ZNF804B: variants seen among roughly 807,000 people sequenced by gnomAD.
The protein encoded by ZNF804B is zinc finger protein 804B.
ZNF804B carries 80 observed loss-of-function variants against 101.4 expected under a neutral mutation model. That is an observed-to-expected ratio of 0.79 (90% CI 0.66 to 0.95). ZNF804B has a LOEUF of 0.95. ZNF804B is among the 40% of genes least tolerant of loss of function. The probability of loss-of-function intolerance (pLI) is 0.00; values close to 1 mark genes in which losing one functional copy is unlikely to be tolerated. For missense variants in ZNF804B, 1,673 were observed against 1,561.9 expected (o/e 1.07, Z -1.20); for synonymous variants, 622 against 558.8 (o/e 1.11, Z -1.59).
intron 1 of ZNF804B, among the ~76,000 whole-genome samples, chr7:89,146,163 T>C (rs1179264256): frequency 6.6e-6 from 1 of 152,072 alleles, no homozygotes; most frequent in African/African-American, 2.4e-5. Context: ...ATCCACTTTT[T>C]TGTAGGTTTA....
intron 1 of ZNF804B, among the ~76,000 whole-genome samples, chr7:89,024,476 C>T (rs1788716141): frequency 6.6e-6 from 1 of 151,860 alleles, no homozygotes; most frequent in African/African-American, 2.4e-5. Context: ...CTCTAAGGTT[C>T]TGTTCACTAC....
intron 2 of ZNF804B, among the ~76,000 whole-genome samples, chr7:89,235,323 A>G (rs960497486): frequency 9.9e-5 from 15 of 152,216 alleles, no homozygotes; most frequent in African/African-American, 3.1e-4. Context: ...GCACTTTCAC[A>G]TATTAAATTA....
intron 2 of ZNF804B, among the ~76,000 whole-genome samples, chr7:89,311,521 A>G (rs1482352991): frequency 1.3e-5 from 2 of 152,174 alleles, no homozygotes; most frequent in African/African-American, 2.4e-5. Context: ...CTAATCAAAT[A>G]TTTAGTCAAG....
chr7:88,832,248 G>T (rs1283332057), intron 1 of ZNF804B, among the ~76,000 whole-genome samples: 1 of 151,574 alleles, frequency 6.6e-6, no homozygotes, highest in East Asian at 1.9e-4. Flanking sequence ...ATTTGCCTGT[G>T]CTTAAAGTTA....
At chr7:89,192,448 G>C (rs1788471238) in intron 1 of ZNF804B, among the ~76,000 whole-genome samples, 1 of 151,396 alleles carries the variant, frequency 6.6e-6, no homozygotes, top group Admixed American at 6.6e-5. Flanking sequence ...GCACAAAATG[G>C]ATTAAACTAA....
In ZNF804B at chr7:88,908,703, T is replaced by C. The variant is rs181902917; in HGVS notation, c.108+148619T>C. 3.7e-3 allele frequency among the ~76,000 whole-genome samples: 560 copies of C among 151,868 alleles called. 3 individuals are homozygous for C. The highest frequency in any genetic ancestry group is 0.013 in the African/African-American group (537 of 41,522). On this transcript the variant is annotated intron_variant, in intron 1 of 3. Transcript: ENST00000333190. ...AAGACGTTTTAGAAGAAGGGGAACA[T>C]TTTTTGCTCACTGCAAGTGTCATCT...
Position 89,333,676 on chromosome 7 carries a change from G to A in ZNF804B, c.694G>A (p.Glu232Lys). 6.2e-7 allele frequency: 1 copy of A among 1,613,404 alleles called. No homozygotes were observed. The highest frequency in any genetic ancestry group is 8.5e-7 in the Non-Finnish European group (1 of 1,179,658). The change falls in exon 4 of 4, where the codon GAA becomes AAA. Residue 232 changes from glutamate to lysine, a missense_variant. By Grantham distance (56) the Glu-to-Lys change is moderately conservative (BLOSUM62 1). Transcript: ENST00000333190. ...TFSKKVHLKL[E>K]SSASVFSENT... ...TTCCAAAAAAGTGCACCTAAAATTA[G>A]AATCTTCAGCATCAGTTTTCAGTGA...
intron 1 of ZNF804B, among the ~76,000 whole-genome samples, chr7:89,119,655 C>T (rs1040603405): frequency 1.3e-5 from 2 of 151,998 alleles, no homozygotes; most frequent in African/African-American, 4.8e-5. Flanking sequence ...TGTGTCTGGT[C>T]TAGGGAATTC....
intron 1 of ZNF804B, among the ~76,000 whole-genome samples, chr7:88,962,836 T>A (rs1048171149): frequency 6.7e-6 from 1 of 149,738 alleles, no homozygotes; most frequent in African/African-American, 2.4e-5. Context: ...CTTAGTAGTT[T>A]TTTTCTGTAA....
chr7:89,101,655 C>G (rs1790057116), intron 1 of ZNF804B, among the ~76,000 whole-genome samples: 1 of 151,818 alleles, frequency 6.6e-6, no homozygotes, highest in East Asian at 1.9e-4. Context: ...AATGTAAAAA[C>G]TACCTTTCTT....
chr7:89,010,333 A>G (rs561866726), intron 1 of ZNF804B, among the ~76,000 whole-genome samples: 1 of 152,310 alleles, frequency 6.6e-6, no homozygotes, highest in Admixed American at 6.5e-5. Flanking sequence ...TCTTCATTAC[A>G]GTATTGATTA....
At chr7:88,850,632 G>A (rs543687647) in intron 1 of ZNF804B, among the ~76,000 whole-genome samples, 1 of 152,074 alleles carries the variant, frequency 6.6e-6, no homozygotes, top group Admixed American at 6.6e-5. Context: ...AAACTTAATA[G>A]CAAGATCCAA....
chr7:89,065,931 G>A (rs1246868366), intron 1 of ZNF804B, among the ~76,000 whole-genome samples: 1 of 152,066 alleles, frequency 6.6e-6, no homozygotes, highest in African/African-American at 2.4e-5. Context: ...AATCACATCT[G>A]CAGTCTTCTG....
chr7:88,995,287 G>A (rs974175871), intron 1 of ZNF804B, among the ~76,000 whole-genome samples: 6 of 151,938 alleles, frequency 3.9e-5, no homozygotes, highest in African/African-American at 1.2e-4. Context: ...AACCAAAAAC[G>A]TGTAAGTAGC....
At chr7:88,812,526 G>T (rs1790805640) in intron 1 of ZNF804B, among the ~76,000 whole-genome samples, 1 of 152,078 alleles carries the variant, frequency 6.6e-6, no homozygotes, top group Non-Finnish European at 1.5e-5. Context: ...GTAGCCAAAA[G>T]AATCAAAAGT....
rs542633729 is a variant in ZNF804B at position 88,986,385 on chromosome 7, T to A, written c.108+226301T>A. The stretch of plus-strand genomic sequence containing the variant: ...CTATTTCCCTGCTTTTGCTGTTTAG[T>A]TTTTTATCCAGAGAAGCAAAACTGA... On this transcript the variant is annotated intron_variant, in intron 1 of 3. Transcript: ENST00000333190. 5.8e-4 allele frequency among the ~76,000 whole-genome samples: 89 copies of A among 152,200 alleles called. 1 individual carries two copies. In the South Asian group the frequency reaches 0.016, roughly 27 times the overall value.
intron 1 of ZNF804B, among the ~76,000 whole-genome samples, chr7:89,024,418 A>G (rs537925727): frequency 6.6e-6 from 1 of 152,208 alleles, no homozygotes; most frequent in South Asian, 2.1e-4. Context: ...AAACATGCAG[A>G]TGATAATATT....
chr7:88,917,701 A>T (rs2115990181), intron 1 of ZNF804B, among the ~76,000 whole-genome samples: 1 of 152,298 alleles, frequency 6.6e-6, no homozygotes, highest in African/African-American at 2.4e-5. Context: ...GGTTAAATGT[A>T]AGAGCTAGGG....
chr7:88,760,261 GAC>G (rs1789875336), intron 1 of ZNF804B, among the ~76,000 whole-genome samples, 177 bp downstream of exon 1: 2 of 152,228 alleles, frequency 1.3e-5, no homozygotes. Flanking sequence ...GACAGACTGT[GAC>G]ACAGAGAGGG....
Sources: gnomAD v4.1 joint callset for allele counts (sites outside exome capture counted in the v4.1 genomes callset) on GRCh38, gnomAD v4.1.1 for gene constraint, MANE v1.5 for transcripts, NCBI Gene and HGNC (gene_info 2026-07-23, HGNC 2026-07-21) for gene names.